The following FSHR variants were observed in gnomAD, a reference collection of about 807,000 sequenced individuals.
FSHR encodes follicle stimulating hormone receptor, also known as follicle-stimulating hormone receptor.
FSHR carries 46 observed loss-of-function variants against 52.1 expected under a neutral mutation model. That is an observed-to-expected ratio of 0.88 (90% CI 0.70 to 1.13). The LOEUF (loss-of-function observed/expected upper bound fraction) is 1.13. FSHR is among the 50% of genes most tolerant of loss of function. The pLI is 0.00. For missense variants in FSHR, 964 were observed against 834.6 expected (o/e 1.16, Z -1.91); for synonymous variants, 399 against 309.6 (o/e 1.29, Z -3.03).
At chr2:49,138,609 C>T (rs1672567401) in intron 1 of FSHR, among the ~76,000 whole-genome samples, 1 of 148,178 alleles carries the variant, frequency 6.7e-6, no homozygotes, top group African/African-American at 2.5e-5. Flanking sequence ...CAAAAGACTT[C>T]ATATTGTATG....
chr2:49,116,365 T>G (rs1313097085), intron 1 of FSHR, among the ~76,000 whole-genome samples: 1 of 152,132 alleles, frequency 6.6e-6, no homozygotes, highest in Non-Finnish European at 1.5e-5. Flanking sequence ...GACACTTGCG[T>G]TACTTAGAGG....
At chr2:48,965,058 C>G (rs527650990) in intron 9 of FSHR, among the ~76,000 whole-genome samples, 1 of 151,650 alleles carries the variant, frequency 6.6e-6, no homozygotes, top group African/African-American at 2.4e-5. Flanking sequence ...GGGGCAAGTT[C>G]ACAGCAATAT....
chr2:48,987,773 G>A (rs990075515), intron 6 of FSHR, among the ~76,000 whole-genome samples: 2 of 150,092 alleles, frequency 1.3e-5, no homozygotes, highest in African/African-American at 2.5e-5. Context: ...CATTCTGCTC[G>A]CGTTTTAGTT....
At chr2:49,035,632 C>G (rs1668246757) in intron 2 of FSHR, among the ~76,000 whole-genome samples, 1 of 152,198 alleles carries the variant, frequency 6.6e-6, no homozygotes, top group Non-Finnish European at 1.5e-5. Flanking sequence ...TATAGAATTA[C>G]AGAACTACAG....
At chr2:49,024,324 C>A (rs1194174635) in intron 2 of FSHR, among the ~76,000 whole-genome samples, 1 of 151,914 alleles carries the variant, frequency 6.6e-6, no homozygotes, top group Non-Finnish European at 1.5e-5. Flanking sequence ...CCTGTAATCC[C>A]AGTACTTTTG....
At chr2:48,993,780 T>C (rs995625340) in intron 4 of FSHR, among the ~76,000 whole-genome samples, 1 of 152,166 alleles carries the variant, frequency 6.6e-6, no homozygotes, top group African/African-American at 2.4e-5. Flanking sequence ...TTCTTTCCTT[T>C]CTCCAAATAT....
At chr2:48,993,610 A>T (rs745853123) in intron 4 of FSHR, among the ~76,000 whole-genome samples, 1 of 152,142 alleles carries the variant, frequency 6.6e-6, no homozygotes, top group Non-Finnish European at 1.5e-5. Context: ...TGTAAATCAG[A>T]TTGTTTTACT....
At chr2:49,140,809 C>T (rs1003432142) in intron 1 of FSHR, among the ~76,000 whole-genome samples, 9 of 151,748 alleles carry the variant, frequency 5.9e-5, no homozygotes, top group Non-Finnish European at 1.2e-4. Context: ...TTCCTGAACT[C>T]TATGGGATTT....
chr2:48,971,970 C>T (rs984240857), intron 8 of FSHR, among the ~76,000 whole-genome samples: 2 of 152,158 alleles, frequency 1.3e-5, no homozygotes, highest in Non-Finnish European at 2.9e-5. Context: ...TAAGCTTATC[C>T]AGTCTTATGA....
chr2:48,968,886 A>C lies in FSHR; in HGVS notation c.669-3T>G, dbSNP rs377301289. ...GGATCCTTGTTCTTGAAATATCTCTATAAAGAGAAAAGGTAAATATAACAG... is the reference window on the plus strand; with the variant it reads ...GGATCCTTGTTCTTGAAATATCTCTCTAAAGAGAAAAGGTAAATATAACAG... On this transcript the variant is annotated splice_region_variant and splice_polypyrimidine_tract_variant and intron_variant, in intron 8 of 9. Coordinates refer to ENST00000406846, the MANE Select transcript of FSHR (RefSeq NM_000145.4). 1 of 1,612,656 alleles carries C rather than the reference A, an allele frequency of 6.2e-7. No homozygotes were observed. Among genetic ancestry groups the C allele is most frequent in the South Asian group, 1.1e-5 (1 of 91,020 alleles).
chr2:48,962,774 T>C lies in FSHR; in HGVS notation c.2047A>G (p.Thr683Ala). ...SSAPRVTSGS[T>A]YILVPLSHLA... ...TGACTTAGAGGGACAAGTATGTAAG[T>C]GGAACCACTGGTGACTCTGGGAGCT... The change falls in exon 10 of 10, where the codon ACT (threonine) becomes GCT (alanine). Residue 683 changes from threonine (T) to alanine (A), a missense_variant. Thr to Ala is a moderately conservative substitution (Grantham distance 58). Transcript: ENST00000406846. The C allele has an allele frequency of 6.2e-7, 1 of 1,614,124 alleles. No individual in the cohort carries two copies. The highest frequency in any genetic ancestry group is 8.5e-7 in the Non-Finnish European group (1 of 1,179,956).
chr2:48,963,271 C>T lies in FSHR; in HGVS notation c.1550G>A (p.Cys517Tyr). Residue 517 changes from cysteine to tyrosine, a missense_variant, in exon 10 of 10, where the codon TGC becomes TAC. Transcript: ENST00000406846. ...GISSYMKVSI[C>Y]LPMDIDSPLS... ...AGGGCTGTCAATATCCATGGGCAGG[C>T]AGATGCTCACCTTCATGTAGCTGCT... is the stretch of plus-strand genomic sequence containing the variant. The T allele has an allele frequency of 6.2e-7, 1 of 1,614,102 alleles. No individual in the cohort carries two copies. The highest frequency in any genetic ancestry group is 1.1e-5 in the South Asian group (1 of 91,058).
intron 1 of FSHR, among the ~76,000 whole-genome samples, chr2:49,087,714 CAGAG>C (rs1175530445): frequency 2.0e-5 from 3 of 152,052 alleles, no homozygotes; most frequent in Non-Finnish European, 4.4e-5. Context: ...TGGATGGAGA[CAGAG>C]GGAGGGAGCA....
intron 2 of FSHR, among the ~76,000 whole-genome samples, chr2:49,030,409 C>T (rs1055270965): frequency 6.6e-6 from 1 of 151,938 alleles, no homozygotes. Context: ...CTTTTTGATA[C>T]CGTACCTGTA....
intron 1 of FSHR, among the ~76,000 whole-genome samples, chr2:49,123,285 G>A (rs983602100): frequency 5.3e-5 from 8 of 152,120 alleles, no homozygotes; most frequent in Admixed American, 6.5e-5. Flanking sequence ...CAGATTGCTC[G>A]AGACCAGTCT....
At chr2:49,111,841 AG>A in intron 1 of FSHR, among the ~76,000 whole-genome samples, 1 of 152,164 alleles carries the variant, frequency 6.6e-6, no homozygotes, top group Non-Finnish European at 1.5e-5. Flanking sequence ...ATCACCCCTC[AG>A]TAATTATTTC....
chr2:49,145,125 A>G (rs192578973), intron 1 of FSHR, among the ~76,000 whole-genome samples: 14 of 152,112 alleles, frequency 9.2e-5, no homozygotes, highest in African/African-American at 3.1e-4. Context: ...AATAGTATTT[A>G]TCAATACAAG....
At chr2:49,098,161 G>A (rs1465368029) in intron 1 of FSHR, among the ~76,000 whole-genome samples, 1 of 152,028 alleles carries the variant, frequency 6.6e-6, no homozygotes, top group Admixed American at 6.6e-5. Flanking sequence ...ATTCCTGATT[G>A]GTTTGAAATT....
intron 1 of FSHR, among the ~76,000 whole-genome samples, chr2:49,124,835 C>T (rs890339587): frequency 2.6e-5 from 4 of 152,220 alleles, no homozygotes; most frequent in South Asian, 2.1e-4. Context: ...CACATCCTTT[C>T]AATTGCTTCT....
Sources: gnomAD v4.1 joint callset for allele counts (sites outside exome capture counted in the v4.1 genomes callset) on GRCh38, gnomAD v4.1.1 for gene constraint, MANE v1.5 for transcripts, NCBI Gene and HGNC (gene_info 2026-07-23, HGNC 2026-07-21) for gene names.